Variants in FGD5 observed in about 807,000 individuals in gnomAD.
FGD5 encodes FYVE, RhoGEF and PH domain containing 5.
FGD5 carries 28 observed loss-of-function variants against 133.4 expected under a neutral mutation model. The observed-to-expected ratio is 0.21, with a 90% CI of 0.16 to 0.29. The LOEUF is 0.29. FGD5 is among the 10% of genes least tolerant of loss of function. The probability of loss-of-function intolerance (pLI) is 1.00; values close to 1 mark genes in which losing one functional copy is unlikely to be tolerated. For missense variants in FGD5, 1,858 were observed against 1,895.2 expected, an observed-to-expected ratio of 0.98 and a Z score of 0.36; for synonymous variants, 810 against 776.5, an observed-to-expected ratio of 1.04 and a Z score of -0.72.
At chr3:14,930,154 G>T (rs1473848732) in intron 18 of FGD5, among the ~76,000 whole-genome samples, 1 of 152,130 alleles carries the variant, frequency 6.6e-6, no homozygotes. Flanking sequence ...TCAAATGATT[G>T]AATAAATAGA....
intron 1 of FGD5, among the ~76,000 whole-genome samples, chr3:14,850,702 T>C (rs1020903753): frequency 4.0e-5 from 6 of 151,556 alleles, no homozygotes; most frequent in Non-Finnish European, 8.8e-5. Flanking sequence ...CTGGAGTCGT[T>C]GTAGTAAACT....
chr3:14,914,898 C>T (rs111795801), intron 11 of FGD5, among the ~76,000 whole-genome samples: 1 of 152,344 alleles, frequency 6.6e-6, no homozygotes, highest in African/African-American at 2.4e-5. Context: ...GGTGCAGAAT[C>T]GGTGTCAATG....
At chr3:14,907,588 A>G (rs2038364145) in intron 9 of FGD5, 52 bp from the exon 10 acceptor site, 1 of 1,550,026 alleles carries the variant, frequency 6.5e-7, no homozygotes, top group African/African-American at 1.4e-5. Flanking sequence ...AGGAGATAAG[A>G]CGCCTGGTAG....
rs144016950 is a variant in FGD5 at position 14,819,596 on chromosome 3, G to C, written c.525G>C (p.Glu175Asp). Residue 175 changes from glutamate (E) to aspartate (D), a missense_variant, in exon 1 of 20, where the codon GAG becomes GAC. Transcript: ENST00000285046. This position sits in a 1 kb window ranked among gnomAD's most constrained non-coding sequence, Gnocchi z 4.1. ...EEEKLVQPHR[E>D]CSLEDSGPWA... ...AGAAGCTAGTGCAGCCACACAGGGA[G>C]TGCAGCCTGGAGGACAGTGGGCCTT... is the stretch of plus-strand genomic sequence containing the variant. 915 of 1,551,420 alleles carry C rather than the reference G, an allele frequency of 5.9e-4. 1 individual carries two copies. The highest frequency in any genetic ancestry group is 7.4e-4 in the Non-Finnish European group (845 of 1,146,994).
upstream of FGD5, among the ~76,000 whole-genome samples, chr3:14,815,396 A>G (rs1289827479): frequency 6.6e-6 from 1 of 151,886 alleles, no homozygotes; most frequent in African/African-American, 2.4e-5. Context: ...AGACTTTATC[A>G]TCATCTAGCA....
chr3:14,813,639 C>G (rs891523696), intron 1 of FGD5, among the ~76,000 whole-genome samples: 3 of 152,098 alleles, frequency 2.0e-5, no homozygotes, highest in African/African-American at 7.2e-5. Flanking sequence ...CAGAGCAAAC[C>G]AGACTGACTG....
intron 4 of FGD5, among the ~76,000 whole-genome samples, chr3:14,881,916 A>G (rs142319981): frequency 4.1e-4 from 63 of 152,286 alleles, no homozygotes; most frequent in African/African-American, 1.5e-3. Context: ...AGCACTCAAC[A>G]TCAAGCCAGG....
chr3:14,840,150 T>C (rs1200106454), intron 1 of FGD5, among the ~76,000 whole-genome samples: 2 of 149,866 alleles, frequency 1.3e-5, no homozygotes, highest in East Asian at 1.9e-4. Flanking sequence ...TTCTTTCTTT[T>C]TTTTTTTTTT....
intron 1 of FGD5, among the ~76,000 whole-genome samples, chr3:14,858,522 T>C (rs1472481637): frequency 2.0e-5 from 3 of 152,204 alleles, no homozygotes; most frequent in Non-Finnish European, 4.4e-5. Context: ...CATCCAGTTA[T>C]GATTATAATG....
chr3:14,881,340 G>A (rs2037821447), intron 4 of FGD5, among the ~76,000 whole-genome samples: 1 of 152,070 alleles, frequency 6.6e-6, no homozygotes, highest in Non-Finnish European at 1.5e-5. Flanking sequence ...CTTGCAGAGT[G>A]TCCCTTTGCA....
intron 11 of FGD5, among the ~76,000 whole-genome samples, chr3:14,916,330 G>A (rs1483345084): frequency 6.6e-6 from 1 of 152,190 alleles, no homozygotes; most frequent in Non-Finnish European, 1.5e-5. Flanking sequence ...TCTCACACCT[G>A]AAACCGTTTA....
Position 14,901,873 on chromosome 3 carries a change from T to TC in FGD5, c.3264+814dup, listed in dbSNP as rs1417076068. 8.5e-5 allele frequency among the ~76,000 whole-genome samples: 13 copies of TC among 152,240 alleles called. No homozygotes were observed. In the South Asian group the frequency reaches 1.7e-3, roughly 19 times the overall value. ...GGAGATACAAGCCCTTGAGGAAACC[T>TC]CCGCTTAGTGGAGTAACTAAATATG... is the stretch of plus-strand genomic sequence containing the variant. On this transcript the variant is annotated intron_variant, in intron 9 of 19. Transcript: ENST00000285046.
chr3:14,821,196 C>T lies in FGD5; in HGVS notation c.2125C>T (p.Arg709Trp), dbSNP rs376683524. 44 of 1,613,834 alleles carry T rather than the reference C, an allele frequency of 2.7e-5. No individual in the cohort carries two copies. The highest frequency in any genetic ancestry group is 2.1e-4 in the African/African-American group (16 of 74,912). ...SLSNSPQLKS[R>W]TGKLRASESP... is the part of the protein sequence containing the mutation. ...CAGCAACTCCCCTCAGCTTAAGTCTCGGACTGGGAAGCTCCGGGCTTCTGA... is the reference window on the plus strand; with the variant it reads ...CAGCAACTCCCCTCAGCTTAAGTCTTGGACTGGGAAGCTCCGGGCTTCTGA... Residue 709 changes from arginine (R) to tryptophan (W), a missense_variant, in exon 1 of 20, where the codon CGG becomes TGG. Arg to Trp is a moderately radical substitution (Grantham distance 101). Coordinates refer to ENST00000285046, the MANE Select transcript of FGD5 (RefSeq NM_152536.4).
intron 1 of FGD5, among the ~76,000 whole-genome samples, chr3:14,854,635 C>T (rs1372944558): frequency 1.3e-5 from 2 of 151,972 alleles, no homozygotes; most frequent in African/African-American, 4.8e-5. Context: ...CAGGGCTGAT[C>T]TCAAAGACTC....
chr3:14,897,866 G>T lies in FGD5; in HGVS notation c.2910-73G>T, dbSNP rs2038166242. On this transcript the variant is annotated intron_variant, in intron 5 of 19. Coordinates refer to ENST00000285046, the MANE Select transcript of FGD5 (RefSeq NM_152536.4). ...ATCTGCACCCAGGGATGTGACTCCA[G>T]GCCCCCTGCTTCTAACCCTGCGTTG... is the stretch of plus-strand genomic sequence containing the variant. 1.9e-6 allele frequency: 3 copies of T among 1,582,326 alleles called. No homozygotes were observed. The Admixed American group carries it at 5.3e-5, about 28-fold the overall frequency.
intron 1 of FGD5, among the ~76,000 whole-genome samples, chr3:14,845,536 C>T (rs1235610450): frequency 6.6e-6 from 1 of 152,132 alleles, no homozygotes; most frequent in African/African-American, 2.4e-5. Context: ...AGAAGTTTCC[C>T]TGAACTAAGA....
At chr3:14,846,742 G>A (rs1044829835) in intron 1 of FGD5, among the ~76,000 whole-genome samples, 2 of 152,202 alleles carry the variant, frequency 1.3e-5, no homozygotes, top group Non-Finnish European at 2.9e-5. Context: ...TGTAACTGTG[G>A]GACGCAGGCA....
chr3:14,894,505 CT>C (rs55912541), intron 4 of FGD5, among the ~76,000 whole-genome samples: 82,573 of 126,948 alleles, frequency 0.65, 25,623 homozygotes, highest in East Asian at 0.73. Context: ...TTTGTTAGTT[CT>C]TTTTTTTTTT....
In FGD5 at chr3:14,917,285, G is replaced by A; in HGVS notation, c.3442G>A (p.Asp1148Asn). Reference protein sequence around the residue: ...DVLLYTYPQKDGKYRLKNTLA... With the variant: ...DVLLYTYPQKNGKYRLKNTLA... ...GCTCCTGTACACCTATCCCCAGAAG[G>A]ATGGGAAGTACCGGCTGAAGAACAC... The change falls in exon 12 of 20, where the codon GAT becomes AAT. Residue 1148 changes from aspartate (D) to asparagine (N), a missense_variant. By Grantham distance (23) the Asp-to-Asn change is conservative (BLOSUM62 1). Coordinates refer to ENST00000285046, the MANE Select transcript of FGD5 (RefSeq NM_152536.4). This position sits in a 1 kb window ranked among gnomAD's most constrained non-coding sequence, Gnocchi z 4.1. The A allele has an allele frequency of 6.2e-7, 1 of 1,613,806 alleles. No homozygotes were observed. Among genetic ancestry groups the A allele is most frequent in the Non-Finnish European group, 8.5e-7 (1 of 1,179,818 alleles).
Sources: allele counts gnomAD v4.1 joint callset (sites outside exome capture counted in the v4.1 genomes callset), GRCh38; gene constraint gnomAD v4.1.1; non-coding constraint Gnocchi (gnomAD v3.1); transcripts MANE v1.5; gene names NCBI Gene and HGNC (gene_info 2026-07-23, HGNC 2026-07-21).